The following EDIL3 variants were observed in gnomAD, a reference collection of about 807,000 sequenced individuals.
The protein encoded by EDIL3 is EGF like and discoidin domains 3, also known as EGF-like repeat and discoidin I-like domain-containing protein 3.
EDIL3 carries 37 observed loss-of-function variants against 67.4 expected under a neutral mutation model. The ratio of observed to expected loss-of-function variants is 0.55; its 90% CI spans 0.42 to 0.72. The LOEUF is 0.72. EDIL3 is among the 30% of genes least tolerant of loss of function. The probability of loss-of-function intolerance (pLI) is 0.00; values close to 1 mark genes in which losing one functional copy is unlikely to be tolerated. For missense variants in EDIL3, 527 were observed against 586.3 expected, an observed-to-expected ratio of 0.90 and a Z score of 1.04; for synonymous variants, 195 against 196.3, an observed-to-expected ratio of 0.99 and a Z score of 0.05.
At chr5:84,270,296 T>C (rs1054932619) in intron 1 of EDIL3, among the ~76,000 whole-genome samples, 1 of 152,172 alleles carries the variant, frequency 6.6e-6, no homozygotes, top group Non-Finnish European at 1.5e-5. Context: ...TGATGGGCCA[T>C]GAATGTTAAA....
intron 9 of EDIL3, among the ~76,000 whole-genome samples, chr5:84,019,727 T>C (rs1163732477): frequency 6.6e-6 from 1 of 152,078 alleles, no homozygotes; most frequent in Non-Finnish European, 1.5e-5. Context: ...ATATTGTCCT[T>C]GGGCTTTGAT....
intron 9 of EDIL3, among the ~76,000 whole-genome samples, chr5:84,001,117 G>C (rs1002301947): frequency 1.3e-5 from 2 of 152,064 alleles, no homozygotes; most frequent in Non-Finnish European, 2.9e-5. Flanking sequence ...CACCATCTCA[G>C]CTCACTGCAA....
chr5:84,113,953 G>A (rs527759191), intron 5 of EDIL3, among the ~76,000 whole-genome samples: 7 of 152,206 alleles, frequency 4.6e-5, no homozygotes, highest in African/African-American at 1.7e-4. Flanking sequence ...GATTAGTGAT[G>A]ACCTCCAGTA....
At chr5:83,973,033 A>G (rs1455220605) in intron 9 of EDIL3, among the ~76,000 whole-genome samples, 1 of 152,116 alleles carries the variant, frequency 6.6e-6, no homozygotes, top group African/African-American at 2.4e-5. Flanking sequence ...AGAAAAATAT[A>G]AAACATTGGA....
intron 6 of EDIL3, among the ~76,000 whole-genome samples, chr5:84,091,518 A>C (rs990000231): frequency 7.2e-5 from 11 of 152,248 alleles, no homozygotes; most frequent in African/African-American, 2.7e-4. Flanking sequence ...TCTTCAAAAA[A>C]GTAAACCTTT....
rs370763993 is a variant in EDIL3 at position 83,995,157 on chromosome 5, TACACACAC to T, written c.1138-31805_1138-31798del. 2.7e-5 allele frequency among the ~76,000 whole-genome samples: 4 copies of T among 149,052 alleles called. No individual in the cohort carries two copies. The East Asian group carries it at 5.9e-4, about 22-fold the overall frequency. ...AGCAGTATACACACGCACACACACA[TACACACAC>T]ACACACACACACACACATTTTATTC... On this transcript the variant is annotated intron_variant, in intron 9 of 10. Coordinates refer to ENST00000296591, the MANE Select transcript of EDIL3 (RefSeq NM_005711.5).
intron 6 of EDIL3, among the ~76,000 whole-genome samples, chr5:84,081,250 T>C (rs1746963053): frequency 6.6e-6 from 1 of 152,076 alleles, no homozygotes; most frequent in African/African-American, 2.4e-5. Flanking sequence ...GCTGTTAGAG[T>C]TTCTTCACAT....
At chr5:84,312,182 C>CG (rs1554041556) in intron 1 of EDIL3, among the ~76,000 whole-genome samples, 5 of 139,862 alleles carry the variant, frequency 3.6e-5, no homozygotes, top group Admixed American at 7.0e-5. Context: ...GCTGGCCGGG[C>CG]GGGGGCTGAC....
intron 1 of EDIL3, among the ~76,000 whole-genome samples, chr5:84,324,859 G>T (rs1242343021): frequency 1.3e-5 from 2 of 151,378 alleles, no homozygotes; most frequent in African/African-American, 4.8e-5. Flanking sequence ...AAATGACAGA[G>T]AATTAAGAAA....
At chr5:84,139,241 GA>G (rs61707939) in intron 4 of EDIL3, among the ~76,000 whole-genome samples, 3 of 129,744 alleles carry the variant, frequency 2.3e-5, no homozygotes, top group African/African-American at 5.6e-5. Flanking sequence ...TGTCTCGGGG[GA>G]AAAAAAGTAT....
intron 1 of EDIL3, among the ~76,000 whole-genome samples, chr5:84,369,626 G>A (rs1747804649): frequency 1.3e-5 from 2 of 152,030 alleles, no homozygotes; most frequent in Admixed American, 6.6e-5. Context: ...GTATGGATGG[G>A]GTTTCTGCAT....
chr5:84,179,598 T>C (rs919693816), intron 4 of EDIL3, among the ~76,000 whole-genome samples: 5 of 152,174 alleles, frequency 3.3e-5, no homozygotes, highest in African/African-American at 1.2e-4. Context: ...TACCCATCAA[T>C]ACAGTAATCA....
intron 2 of EDIL3, among the ~76,000 whole-genome samples, chr5:84,231,451 T>G (rs1462783354): frequency 6.6e-6 from 1 of 152,194 alleles, no homozygotes; most frequent in Admixed American, 6.5e-5. Flanking sequence ...ATTCATGAAG[T>G]TTTAAAATAA....
intron 1 of EDIL3, among the ~76,000 whole-genome samples, chr5:84,328,961 C>G (rs1746819543): frequency 6.6e-6 from 1 of 152,038 alleles, no homozygotes; most frequent in Non-Finnish European, 1.5e-5. Context: ...TGCCACAGAA[C>G]CATCAGTCTT....
chr5:84,151,220 A>G (rs1389006283), intron 4 of EDIL3, among the ~76,000 whole-genome samples: 1 of 151,754 alleles, frequency 6.6e-6, no homozygotes, highest in Non-Finnish European at 1.5e-5. Flanking sequence ...TAATCCACAT[A>G]TTTTTTGTCT....
chr5:84,262,772 G>T (rs1298000050), intron 1 of EDIL3, among the ~76,000 whole-genome samples: 1 of 140,728 alleles, frequency 7.1e-6, no homozygotes, highest in Non-Finnish European at 1.5e-5. Flanking sequence ...CCCAGGTCAG[G>T]CAATTCTCAT....
At chr5:83,987,238 A>G (rs1447839822) in intron 9 of EDIL3, among the ~76,000 whole-genome samples, 1 of 152,106 alleles carries the variant, frequency 6.6e-6, no homozygotes, top group Non-Finnish European at 1.5e-5. Flanking sequence ...AGGCTACTCC[A>G]TTTGCAAATA....
intron 9 of EDIL3, among the ~76,000 whole-genome samples, chr5:83,987,895 C>A (rs59721523): frequency 9.2e-6 from 1 of 108,114 alleles, no homozygotes; most frequent in Admixed American, 8.3e-5. Context: ...ATATATATAG[C>A]TTAATAGTTT....
At chr5:84,230,790 T>TGTGTGTGTGTGC (rs1271201331) in intron 2 of EDIL3, among the ~76,000 whole-genome samples, 10 of 151,932 alleles carry the variant, frequency 6.6e-5, no homozygotes, top group African/African-American at 1.9e-4. Flanking sequence ...TGTGTGTGTG[T>TGTGTGTGTGTGC]GTGTGTGTGA....
Sources: gnomAD v4.1 joint callset for allele counts (sites outside exome capture counted in the v4.1 genomes callset) on GRCh38, gnomAD v4.1.1 for gene constraint, MANE v1.5 for transcripts, NCBI Gene and HGNC (gene_info 2026-07-23, HGNC 2026-07-21) for gene names.